RDH10: variants seen among roughly 807,000 people sequenced by gnomAD.
RDH10 encodes retinol dehydrogenase 10, also known as retinol dehydrogenase 10 (all-trans).
RDH10 carries 12 observed loss-of-function variants against 30.2 expected under a neutral mutation model. The ratio of observed to expected loss-of-function variants is 0.40; its 90% CI spans 0.25 to 0.64. The LOEUF (loss-of-function observed/expected upper bound fraction) is 0.64, where lower values mean the gene tolerates loss of function less well. Among genes scored for constraint, RDH10 ranks in the 30% least tolerant of loss-of-function variants. RDH10 has a pLI of 0.43. For missense variants in RDH10, 268 were observed against 445.2 expected (o/e 0.60, Z 3.58); for synonymous variants, 189 against 172.2 (o/e 1.10, Z -0.76).
rs980398222 is a variant in RDH10, at chr8:73,325,086, G to C, written c.*2050G>C. 2 of 152,202 alleles carry C rather than the reference G, an allele frequency of 1.3e-5. No homozygotes were observed. Among genetic ancestry groups the C allele is most frequent in the Admixed American group, 1.3e-4 (2 of 15,284 alleles). 9.4% of individuals were successfully genotyped at this position (152,202 alleles called of 1,614,324 possible). A position where few individuals can be genotyped will look rare whatever the true frequency, so the allele number is the denominator to read the frequency against. ...ATTATCCAGGTCTGCCTCCCAGCGA[G>C]CCTGGAGTACACCAGACCCTCCTAG... is the stretch of plus-strand genomic sequence containing the variant. On this transcript the variant is annotated 3_prime_UTR_variant, in exon 6 of 6. Coordinates refer to ENST00000240285, the MANE Select transcript of RDH10 (RefSeq NM_172037.5).
At chr8:73,315,154 C>T (rs533205552) in intron 2 of RDH10, among the ~76,000 whole-genome samples, 33 of 135,192 alleles carry the variant, frequency 2.4e-4, no homozygotes, top group African/African-American at 8.9e-4. Context: ...TCCTCTCTCT[C>T]TCTCTCCCCC....
chr8:73,309,266 A>C (rs1814518625), intron 2 of RDH10, among the ~76,000 whole-genome samples: 3 of 152,192 alleles, frequency 2.0e-5, no homozygotes, highest in Admixed American at 6.5e-5. Flanking sequence ...CACAGCAGAA[A>C]GTCAGGGCCG....
chr8:73,320,902 T>A (rs1416568549), intron 3 of RDH10, 30 bp from the exon 4 acceptor site: 4 of 1,613,096 alleles, frequency 2.5e-6, no homozygotes, highest in Non-Finnish European at 3.4e-6. Context: ...ATATGCTTAG[T>A]ATTTCTGCTT....
intron 2 of RDH10, among the ~76,000 whole-genome samples, chr8:73,299,012 C>A (rs1405664633): frequency 6.6e-6 from 1 of 151,938 alleles, no homozygotes; most frequent in African/African-American, 2.4e-5. Flanking sequence ...CGGGGTTGCA[C>A]CATGTTGATC....
chr8:73,312,535 C>A (rs1814582026), intron 2 of RDH10: 1 of 152,188 alleles, frequency 6.6e-6, no homozygotes, highest in Non-Finnish European at 1.5e-5. Context: ...TGTAAATAAG[C>A]AGGAGAGTGT....
At position 73,295,260 on chromosome 8, in the gene RDH10, C is replaced by T. The variant is rs1442683894; in HGVS notation, c.-30C>T. ...CTCGGGGTGGGCGCGGACGCAGGCA[C>T]TGGGCTCGTGCGGGGCCCCGGGCGT... On this transcript the variant is annotated 5_prime_UTR_variant, in exon 1 of 6. Coordinates refer to ENST00000240285, the MANE Select transcript of RDH10 (RefSeq NM_172037.5). The T allele has an allele frequency of 2.0e-6, 3 of 1,534,212 alleles. No homozygotes were observed. The highest frequency in any genetic ancestry group is 2.6e-5 in the East Asian group (1 of 39,144).
In RDH10 at chr8:73,324,746, G is replaced by T. The variant is rs1445479585; in HGVS notation, c.*1710G>T. 6.6e-6 allele frequency: 1 copy of T among 152,172 alleles called. No individual in the cohort carries two copies. Among genetic ancestry groups the T allele is most frequent in the South Asian group, 2.1e-4 (1 of 4,830 alleles). The allele number at this position is 152,172 out of a possible 1,614,324, so 9.4% of individuals were successfully genotyped here. A position where few individuals can be genotyped will look rare whatever the true frequency, so the allele number is the denominator to read the frequency against. ...CCGATGTTACTGTCCCTAGATTAGAGACTTGATTAAGGGCTTGTTTGTACC... is the reference window on the plus strand; with the variant it reads ...CCGATGTTACTGTCCCTAGATTAGATACTTGATTAAGGGCTTGTTTGTACC... On this transcript the variant is annotated 3_prime_UTR_variant, in exon 6 of 6. Transcript: ENST00000240285.
Position 73,295,409 on chromosome 8 carries a change from C to T in RDH10, c.120C>T (p.Leu40=). 6.5e-7 allele frequency: 1 copy of T among 1,549,178 alleles called. No individual in the cohort carries two copies. The highest frequency in any genetic ancestry group is 8.7e-7 in the Non-Finnish European group (1 of 1,148,454). ...AGAGCGTGGCGGGCCAGGTGTGCCT[C>T]ATCACCGGCGCCGGCAGCGGCCTGG... ...KEKSVAGQVC[L]ITGAGSGLGR... is the part of the protein sequence containing the mutation. Residue 40 remains leucine, a synonymous_variant, in exon 1 of 6, where the codon CTC becomes CTT. Transcript: ENST00000240285.
chr8:73,318,119 TA>T (rs1217559812), intron 2 of RDH10, among the ~76,000 whole-genome samples: 2 of 152,038 alleles, frequency 1.3e-5, no homozygotes, highest in Non-Finnish European at 2.9e-5. Flanking sequence ...AACTCAGCAG[TA>T]GACAGATTGC....
At chr8:73,311,884 A>G (rs1177043432) in intron 2 of RDH10, 1 of 152,262 alleles carries the variant, frequency 6.6e-6, no homozygotes, top group East Asian at 1.9e-4. Context: ...TTATGCAACA[A>G]CATATGCATG....
At chr8:73,316,183 A>AT (rs2130376054) in intron 2 of RDH10, among the ~76,000 whole-genome samples, 1 of 152,018 alleles carries the variant, frequency 6.6e-6, no homozygotes, top group Admixed American at 6.6e-5. Context: ...TGCCCGGCTA[A>AT]TTTTTTGTAT....
chr8:73,303,541 A>G (rs1021951541), intron 2 of RDH10, among the ~76,000 whole-genome samples: 2 of 152,242 alleles, frequency 1.3e-5, no homozygotes, highest in Non-Finnish European at 2.9e-5. Context: ...AGAAGTCTCC[A>G]GTAGAACTGG....
Position 73,295,276 on chromosome 8 carries a change from C to T in RDH10, c.-14C>T, listed in dbSNP as rs758864346. ...ACGCAGGCACTGGGCTCGTGCGGGGCCCCGGGCGTCGCGATGAACATCGTG... is the reference window on the plus strand; with the variant it reads ...ACGCAGGCACTGGGCTCGTGCGGGGTCCCGGGCGTCGCGATGAACATCGTG... On this transcript the variant is annotated 5_prime_UTR_variant, in exon 1 of 6. Transcript: ENST00000240285. 63 of 1,543,766 alleles carry T rather than the reference C, an allele frequency of 4.1e-5. No individual in the cohort carries two copies. Among genetic ancestry groups the T allele is most frequent in the Non-Finnish European group, 5.1e-5 (59 of 1,148,410 alleles).
At chr8:73,297,611 AC>A (rs148251555) in intron 2 of RDH10, 182 bp downstream of exon 2, 7,163 of 452,162 alleles carry the variant, frequency 0.016, 71 homozygotes, top group Middle Eastern at 0.022. Context: ...GTCCCCGCCC[AC>A]CCCCCCGCCA....
chr8:73,296,169 A>G (rs1814263139), intron 1 of RDH10, among the ~76,000 whole-genome samples: 2 of 151,902 alleles, frequency 1.3e-5, no homozygotes, highest in African/African-American at 4.8e-5. Context: ...TTCGTTGTAA[A>G]TTTCTTCCAT....
chr8:73,321,222 T>C, intron 4 of RDH10, 145 bp downstream of exon 4: 1 of 791,412 alleles, frequency 1.3e-6, no homozygotes, highest in Non-Finnish European at 1.9e-6. Flanking sequence ...GTTTGTAAAA[T>C]TGGTGTATAA....
intron 2 of RDH10, among the ~76,000 whole-genome samples, chr8:73,314,663 C>T (rs1814628828): frequency 6.6e-6 from 1 of 152,216 alleles, no homozygotes; most frequent in Admixed American, 6.5e-5. Context: ...AACAAGCCGT[C>T]TGGGATCTCA....
intron 2 of RDH10, among the ~76,000 whole-genome samples, chr8:73,306,393 CTTTA>C (rs892301233): frequency 7.2e-5 from 11 of 152,266 alleles, no homozygotes; most frequent in East Asian, 1.9e-4. Context: ...TTCTTTTTTA[CTTTA>C]TTTGTCAATT....
chr8:73,304,306 C>A (rs1814431924), intron 2 of RDH10, among the ~76,000 whole-genome samples: 1 of 152,182 alleles, frequency 6.6e-6, no homozygotes, highest in South Asian at 2.1e-4. Context: ...TCATGGGTCC[C>A]CAAATCCTGA....
Sources: allele counts gnomAD v4.1 joint callset (sites outside exome capture counted in the v4.1 genomes callset), GRCh38; gene constraint gnomAD v4.1.1; transcripts MANE v1.5; gene names NCBI Gene and HGNC (gene_info 2026-07-23, HGNC 2026-07-21).